The following GMDS variants were observed in gnomAD, a reference collection of about 807,000 sequenced individuals.
GMDS encodes the protein GDP-mannose 4,6-dehydratase, also known as GDP-mannose 4,6 dehydratase.
In GMDS, 20 loss-of-function variants were observed where a neutral mutation model predicts 49.9. The observed-to-expected ratio is 0.40, with a 90% CI of 0.28 to 0.58. The LOEUF (loss-of-function observed/expected upper bound fraction) is 0.58. Ranked by LOEUF, GMDS falls within the 20% of genes least tolerant of loss-of-function variation. The pLI is 0.42. For missense variants in GMDS, 362 were observed against 481.4 expected, an observed-to-expected ratio of 0.75 and a Z score of 2.32; for synonymous variants, 177 against 178.6, an observed-to-expected ratio of 0.99 and a Z score of 0.07.
intron 4 of GMDS, among the ~76,000 whole-genome samples, chr6:1,984,942 T>C (rs1178793089): frequency 6.6e-6 from 1 of 152,098 alleles, no homozygotes; most frequent in Non-Finnish European, 1.5e-5. Context: ...TGCAAGTCTG[T>C]TGGGAGTTCA....
At chr6:2,021,548 C>A (rs935936985) in intron 4 of GMDS, among the ~76,000 whole-genome samples, 1 of 152,014 alleles carries the variant, frequency 6.6e-6, no homozygotes, top group Non-Finnish European at 1.5e-5. Flanking sequence ...AGTAAAGATA[C>A]AAGGTGGAAA....
At chr6:2,027,172 C>T (rs749092860) in intron 4 of GMDS, among the ~76,000 whole-genome samples, 51 of 152,162 alleles carry the variant, frequency 3.4e-4, no homozygotes, top group Non-Finnish European at 2.2e-4. Flanking sequence ...TCTTATGAAG[C>T]GAGGGAGAAT....
chr6:1,939,765 G>A (rs1762729995), intron 6 of GMDS, among the ~76,000 whole-genome samples: 1 of 152,136 alleles, frequency 6.6e-6, no homozygotes, highest in Non-Finnish European at 1.5e-5. Flanking sequence ...CAATGGAATT[G>A]CCTTTAAGAC....
At chr6:2,021,083 C>A (rs1176227641) in intron 4 of GMDS, among the ~76,000 whole-genome samples, 1 of 152,218 alleles carries the variant, frequency 6.6e-6, no homozygotes, top group Non-Finnish European at 1.5e-5. Context: ...AGGTGCAGAG[C>A]AGGAACTCCA....
chr6:2,230,796 A>C (rs1200209136), intron 1 of GMDS, among the ~76,000 whole-genome samples: 1 of 152,116 alleles, frequency 6.6e-6, no homozygotes, highest in South Asian at 2.1e-4. Context: ...TCTCCTTTTC[A>C]AGGTTTATAT....
intron 4 of GMDS, among the ~76,000 whole-genome samples, chr6:1,967,775 G>A (rs1764352849): frequency 6.6e-6 from 1 of 152,174 alleles, no homozygotes; most frequent in African/African-American, 2.4e-5. Context: ...TAGGAAGCAG[G>A]AAATTTAAGT....
intron 9 of GMDS, among the ~76,000 whole-genome samples, chr6:1,689,944 T>C (rs532639219): frequency 6.6e-6 from 1 of 152,196 alleles, no homozygotes; most frequent in Admixed American, 6.5e-5. Context: ...ATTAATAAGA[T>C]TGCTTTTATT....
chr6:1,725,493 G>A (rs191355927), intron 9 of GMDS, among the ~76,000 whole-genome samples: 74 of 151,928 alleles, frequency 4.9e-4, no homozygotes, highest in African/African-American at 1.4e-3. Context: ...GTGCAATGGC[G>A]CGCGATCTCG....
At chr6:2,117,650 T>C (rs1774919703) in intron 2 of GMDS, 94 bp from the exon 3 acceptor site, 7 of 752,464 alleles carry the variant, frequency 9.3e-6, no homozygotes, top group South Asian at 5.9e-5. Flanking sequence ...AAATGATTTG[T>C]AAGCATTATT....
intron 1 of GMDS, among the ~76,000 whole-genome samples, chr6:2,137,869 A>AC (rs1776088866): frequency 6.6e-6 from 1 of 152,178 alleles, no homozygotes; most frequent in South Asian, 2.1e-4. Flanking sequence ...AGACTGGATA[A>AC]TTTTAACTAC....
chr6:2,017,005 A>G (rs1344395811), intron 4 of GMDS, among the ~76,000 whole-genome samples: 3 of 152,150 alleles, frequency 2.0e-5, no homozygotes, highest in Non-Finnish European at 4.4e-5. Flanking sequence ...AAAAAAAAAG[A>G]CAAATCGATC....
At chr6:1,937,585 T>G (rs759249673) in intron 6 of GMDS, among the ~76,000 whole-genome samples, 1 of 152,212 alleles carries the variant, frequency 6.6e-6, no homozygotes, top group Non-Finnish European at 1.5e-5. Context: ...CAGCATGTGA[T>G]GGCATTCCTT....
intron 6 of GMDS, among the ~76,000 whole-genome samples, chr6:1,956,372 C>T (rs533759419): frequency 6.6e-6 from 1 of 152,142 alleles, no homozygotes; most frequent in Non-Finnish European, 1.5e-5. Flanking sequence ...GCCCATGAGT[C>T]CTAGATTGTC....
intron 7 of GMDS, among the ~76,000 whole-genome samples, chr6:1,918,715 C>A (rs1761547272): frequency 6.6e-6 from 1 of 152,132 alleles, no homozygotes; most frequent in Admixed American, 6.5e-5. Flanking sequence ...TGCCACTGCA[C>A]TCCAGTATGG....
At chr6:1,671,218 C>A (rs1282593654) in intron 9 of GMDS, among the ~76,000 whole-genome samples, 1 of 152,162 alleles carries the variant, frequency 6.6e-6, no homozygotes, top group Non-Finnish European at 1.5e-5. Flanking sequence ...AGACGCCTGC[C>A]CTTCAGAGTC....
intron 1 of GMDS, among the ~76,000 whole-genome samples, chr6:2,131,272 A>G (rs1174980224): frequency 1.3e-5 from 2 of 152,216 alleles, no homozygotes; most frequent in Admixed American, 6.5e-5. Context: ...GGCAAACTCT[A>G]TAAGAAAAAT....
At chr6:1,819,823 G>T (rs1178188820) in intron 7 of GMDS, among the ~76,000 whole-genome samples, 1 of 148,036 alleles carries the variant, frequency 6.8e-6, no homozygotes, top group African/African-American at 2.5e-5. Context: ...GTTTCTCATA[G>T]AGATAGAATA....
intron 1 of GMDS, among the ~76,000 whole-genome samples, chr6:2,172,119 A>G (rs553165744): frequency 2.0e-5 from 3 of 152,330 alleles, no homozygotes; most frequent in South Asian, 4.1e-4. Context: ...ATAAGAAGGC[A>G]CAAGTAGAAC....
chr6:2,101,051 AT>A (rs138705801), intron 4 of GMDS, among the ~76,000 whole-genome samples: 28 of 150,550 alleles, frequency 1.9e-4, no homozygotes, highest in East Asian at 1.7e-3. Context: ...CATTACTGAG[AT>A]TTTTTTTTTA....
Sources: gnomAD v4.1 joint callset for allele counts (sites outside exome capture counted in the v4.1 genomes callset) on GRCh38, gnomAD v4.1.1 for gene constraint, MANE v1.5 for transcripts, NCBI Gene and HGNC (gene_info 2026-07-23, HGNC 2026-07-21) for gene names.